FMNL2: variants seen among roughly 807,000 people sequenced by gnomAD.
The protein encoded by FMNL2 is formin-like protein 2.
A neutral mutation model predicts 130.2 loss-of-function variants in FMNL2; 51 were observed. That is an observed-to-expected ratio of 0.39 (90% confidence interval 0.31 to 0.49). The LOEUF (loss-of-function observed/expected upper bound fraction) is 0.49. FMNL2 is among the 20% of genes least tolerant of loss of function. The probability of loss-of-function intolerance (pLI) is 0.85; values close to 1 mark genes in which losing one functional copy is unlikely to be tolerated. For missense variants in FMNL2, 977 were observed against 1,316.2 expected (o/e 0.74, Z 3.99); for synonymous variants, 465 against 467.1 (o/e 1.00, Z 0.06).
chr2:152,585,416 A>G (rs1341310260), intron 9 of FMNL2, among the ~76,000 whole-genome samples: 1 of 152,146 alleles, frequency 6.6e-6, no homozygotes, highest in Non-Finnish European at 1.5e-5. Context: ...ATACATTTGG[A>G]AGTAAAAACC....
At chr2:152,628,611 C>T (rs1681960823) in intron 18 of FMNL2, 78 bp downstream of exon 18, 16 of 1,291,010 alleles carry the variant, frequency 1.2e-5, no homozygotes, top group Admixed American at 1.8e-5. Context: ...CTCCCAGAAT[C>T]GTACTCAGTG....
chr2:152,619,552 G>GCCACCCCCCCCCCCACCCCCCCCCCCCCC lies in FMNL2; in HGVS notation c.1673_1674insACCCCCCCCCCCACCCCCCCCCCCCCCCC (p.Pro569LeufsTer29). 1.4e-6 allele frequency: 2 copies of GCCACCCCCCCCCCCACCCCCCCCCCCCCC among 1,417,702 alleles called. No individual in the cohort carries two copies. The allele number at this position is 1,417,702 out of a possible 1,614,324, so 87.8% of individuals were successfully genotyped here. ...CACCACCTATGCCACCGCCGCCGCC[G>GCCACCCCCCCCCCCACCCCCCCCCCCCCC]CCCCCTCCTCCACCTCCTCCTCCCC... On this transcript the variant is annotated frameshift_variant, in exon 15 of 26. Coordinates refer to ENST00000288670, the MANE Select transcript of FMNL2 (RefSeq NM_052905.4). LOFTEE classifies it high-confidence loss of function.
At chr2:152,366,474 CCAA>C (rs75952772) in intron 1 of FMNL2, among the ~76,000 whole-genome samples, 4 of 140,752 alleles carry the variant, frequency 2.8e-5, no homozygotes, top group East Asian at 2.0e-4. Context: ...AAAATGTTTG[CCAA>C]CAACAACAAC....
At chr2:152,521,517 A>T (rs35685365) in intron 1 of FMNL2, among the ~76,000 whole-genome samples, 4,908 of 152,174 alleles carry the variant, frequency 0.032, 126 homozygotes, top group Middle Eastern at 0.055. Flanking sequence ...GTTGTTTATC[A>T]AAGTGAGTAT....
intron 15 of FMNL2, chr2:152,621,130 C>G (rs1233397736): frequency 1.0e-6 from 1 of 985,336 alleles, no homozygotes; most frequent in African/African-American, 1.7e-5. Context: ...TCGTCCCGTG[C>G]ACCTGGCCAC....
chr2:152,393,682 AT>A (rs1434444820), intron 1 of FMNL2, among the ~76,000 whole-genome samples: 1 of 152,232 alleles, frequency 6.6e-6, no homozygotes, highest in Non-Finnish European at 1.5e-5. Flanking sequence ...CTTTAAAAAA[AT>A]CTCTTTTGCC....
chr2:152,520,656 T>A (rs1415230708), intron 1 of FMNL2, among the ~76,000 whole-genome samples: 1 of 151,926 alleles, frequency 6.6e-6, no homozygotes, highest in Non-Finnish European at 1.5e-5. Flanking sequence ...ATCTGATGGA[T>A]TAGACTCAAA....
intron 1 of FMNL2, among the ~76,000 whole-genome samples, chr2:152,402,756 G>T (rs1685775324): frequency 6.6e-6 from 1 of 152,126 alleles, no homozygotes; most frequent in Non-Finnish European, 1.5e-5. Flanking sequence ...CACATATCCT[G>T]TATCTAGTTT....
Position 152,545,750 on chromosome 2 carries a change from T to A in FMNL2, c.282+2931T>A, listed in dbSNP as rs562885985. ...TCCTCTGTGGCTCCCCATGGGCACA[T>A]AATTTCTTTTCATAGTGTTTTGCAT... is the stretch of plus-strand genomic sequence containing the variant. On this transcript the variant is annotated intron_variant, in intron 3 of 25. Transcript: ENST00000288670. Among the ~76,000 whole-genome samples the A allele has an allele frequency of 1.4e-3, 206 of 152,304 alleles. 1 individual carries two copies. The highest frequency in any genetic ancestry group is 3.4e-3 in the Middle Eastern group (1 of 294).
At chr2:152,411,286 A>C (rs1686278781) in intron 1 of FMNL2, among the ~76,000 whole-genome samples, 1 of 152,128 alleles carries the variant, frequency 6.6e-6, no homozygotes, top group Non-Finnish European at 1.5e-5. Context: ...AGCAGGCATA[A>C]TTGGTTGTGT....
At chr2:152,529,386 CATTTTGT>C (rs1693571090) in intron 2 of FMNL2, among the ~76,000 whole-genome samples, 2 of 152,122 alleles carry the variant, frequency 1.3e-5, no homozygotes, top group Admixed American at 1.3e-4. Flanking sequence ...AAAAGAAAGG[CATTTTGT>C]ATCTTTGCTA....
Position 152,647,963 on chromosome 2 carries a change from CT to C in FMNL2, c.*61del. Reference sequence around the variant, plus strand: ...GCGTGAATGAAACTGCCCACATGAACTTTATGTGCTACGATTTAACTGCAGC... The same window carrying C: ...GCGTGAATGAAACTGCCCACATGAACTTATGTGCTACGATTTAACTGCAGC... On this transcript the variant is annotated 3_prime_UTR_variant, in exon 26 of 26. Coordinates refer to ENST00000288670, the MANE Select transcript of FMNL2 (RefSeq NM_052905.4). The C allele has an allele frequency of 7.4e-7, 1 of 1,347,420 alleles. No homozygotes were observed. The highest frequency in any genetic ancestry group is 1.0e-6 in the Non-Finnish European group (1 of 971,182). 83.5% of individuals were successfully genotyped at this position (1,347,420 alleles called of 1,614,324 possible). A position where few individuals can be genotyped will look rare whatever the true frequency, so the allele number is the denominator to read the frequency against.
chr2:152,495,711 AG>A (rs1216269768), intron 1 of FMNL2, among the ~76,000 whole-genome samples: 2 of 138,238 alleles, frequency 1.4e-5, no homozygotes, highest in African/African-American at 5.2e-5. Context: ...CCTAGTTGAG[AG>A]GACAGGATAC....
intron 1 of FMNL2, among the ~76,000 whole-genome samples, chr2:152,371,868 G>A (rs951974450): frequency 2.6e-5 from 4 of 151,992 alleles, no homozygotes; most frequent in African/African-American, 4.8e-5. Context: ...ACCTTGCGAT[G>A]GCCTGTACCA....
At chr2:152,519,888 T>C (rs544167221) in intron 1 of FMNL2, among the ~76,000 whole-genome samples, 2 of 152,354 alleles carry the variant, frequency 1.3e-5, no homozygotes, top group African/African-American at 4.8e-5. Context: ...ATTTAATTTA[T>C]AATCTTATTG....
intron 1 of FMNL2, among the ~76,000 whole-genome samples, chr2:152,393,667 T>C (rs1211047298): frequency 1.3e-5 from 2 of 152,242 alleles, no homozygotes; most frequent in Admixed American, 1.3e-4. Context: ...TGTATTTTTC[T>C]TTTACTTTAA....
chr2:152,612,401 C>G (rs1293052034), intron 11 of FMNL2, among the ~76,000 whole-genome samples: 2 of 152,030 alleles, frequency 1.3e-5, no homozygotes, highest in African/African-American at 4.8e-5. Context: ...GTGCCCGTGG[C>G]CCCAGCTGCT....
At chr2:152,418,295 A>G (rs1686723040) in intron 1 of FMNL2, among the ~76,000 whole-genome samples, 1 of 145,204 alleles carries the variant, frequency 6.9e-6, no homozygotes, top group Non-Finnish European at 1.5e-5. Flanking sequence ...TGCTGTGGTA[A>G]AACGTTAAGA....
chr2:152,551,526 T>A (rs1694934821), intron 4 of FMNL2, among the ~76,000 whole-genome samples: 1 of 152,238 alleles, frequency 6.6e-6, no homozygotes, highest in Non-Finnish European at 1.5e-5. Context: ...CCATCTTGCC[T>A]GTTCTGAAAA....
Sources: gnomAD v4.1 joint callset for allele counts (sites outside exome capture counted in the v4.1 genomes callset) on GRCh38, gnomAD v4.1.1 for gene constraint, MANE v1.5 for transcripts, NCBI Gene and HGNC (gene_info 2026-07-23, HGNC 2026-07-21) for gene names.